The following AFDN variants were observed in gnomAD, a reference collection of about 807,000 sequenced individuals.
The protein encoded by AFDN is afadin.
Under a neutral mutation model 216.6 loss-of-function variants are expected in AFDN, and 68 were observed. That is an observed-to-expected ratio of 0.31 (90% CI 0.26 to 0.38). The LOEUF is 0.38. AFDN is among the 10% of genes least tolerant of loss of function. AFDN has a pLI of 1.00. For synonymous variants in AFDN, 868 were observed against 853.7 expected, an observed-to-expected ratio of 1.02 and a Z score of -0.29; for missense variants, 2,136 against 2,342.0, an observed-to-expected ratio of 0.91 and a Z score of 1.82.
At chr6:167,848,646 T>G (rs950726131) in intron 1 of AFDN, among the ~76,000 whole-genome samples, 3 of 152,214 alleles carry the variant, frequency 2.0e-5, no homozygotes, top group Non-Finnish European at 4.4e-5. Flanking sequence ...CCTGCAAAAT[T>G]GATCTTGGAA....
intron 32 of AFDN, among the ~76,000 whole-genome samples, chr6:167,966,840 G>A (rs970322600): frequency 6.6e-6 from 1 of 152,164 alleles, no homozygotes; most frequent in Non-Finnish European, 1.5e-5. Flanking sequence ...GCTGCCTCAC[G>A]CCAGGGTCCA....
At chr6:167,866,673 T>C (rs1379045438) in intron 2 of AFDN, among the ~76,000 whole-genome samples, 1 of 152,188 alleles carries the variant, frequency 6.6e-6, no homozygotes, top group East Asian at 1.9e-4. Context: ...CCTGACTTCT[T>C]GTCCATGTTG....
intron 13 of AFDN, among the ~76,000 whole-genome samples, chr6:167,907,832 GTC>G (rs1437844088): frequency 6.6e-6 from 1 of 151,728 alleles, no homozygotes; most frequent in Non-Finnish European, 1.5e-5. Flanking sequence ...GCAGAGAACT[GTC>G]TTGTTATTTC....
At chr6:167,842,448 A>T (rs537079825) in intron 1 of AFDN, among the ~76,000 whole-genome samples, 1 of 152,296 alleles carries the variant, frequency 6.6e-6, no homozygotes, top group African/African-American at 2.4e-5. Flanking sequence ...TCAAGGAGGC[A>T]CATTGATAAT....
Position 167,946,656 on chromosome 6 carries a change from AG to A in AFDN, c.3359-48del, listed in dbSNP as rs780884573. 73 of 1,457,936 alleles carry A rather than the reference AG, an allele frequency of 5.0e-5. No individual in the cohort carries two copies. In the East Asian group the frequency reaches 1.6e-3, roughly 31 times the overall value. The allele number at this position is 1,457,936 out of a possible 1,614,324, so 90.3% of individuals were successfully genotyped here. A position where few individuals can be genotyped will look rare whatever the true frequency, so the allele number is the denominator to read the frequency against. ...TTCTTATGGAATTTTAATGATAATC[AG>A]GGTGTTGAAAATAAAATCTTAAGAG... On this transcript the variant is annotated intron_variant, in intron 26 of 33. Transcript: ENST00000683244.
chr6:167,919,571 C>T (rs896118460), intron 21 of AFDN, among the ~76,000 whole-genome samples: 2 of 152,232 alleles, frequency 1.3e-5, no homozygotes, highest in Non-Finnish European at 2.9e-5. Flanking sequence ...CTGGCTTGCG[C>T]CTGTGTGCTG....
chr6:167,883,073 G>A (rs937932078), intron 6 of AFDN, among the ~76,000 whole-genome samples: 1 of 152,114 alleles, frequency 6.6e-6, no homozygotes, highest in Admixed American at 6.6e-5. Context: ...TCAAAAAAGT[G>A]CTGGAGGACA....
chr6:167,872,810 AC>A (rs1163822015), intron 4 of AFDN, among the ~76,000 whole-genome samples: 1 of 152,146 alleles, frequency 6.6e-6, no homozygotes, highest in Non-Finnish European at 1.5e-5. Flanking sequence ...GCTTCAGATC[AC>A]CATCTAGTTC....
chr6:167,878,340 T>C (rs1017801809), intron 5 of AFDN, among the ~76,000 whole-genome samples: 2 of 152,164 alleles, frequency 1.3e-5, no homozygotes, highest in Non-Finnish European at 2.9e-5. Flanking sequence ...TACATCTTTT[T>C]TTTTGTGAAT....
intron 23 of AFDN, among the ~76,000 whole-genome samples, chr6:167,932,425 C>T (rs919159716): frequency 3.9e-5 from 6 of 152,186 alleles, no homozygotes; most frequent in Non-Finnish European, 7.3e-5. Context: ...CAACATGATG[C>T]TTCCTGTTTA....
In AFDN at chr6:167,931,821, G is replaced by A. The variant is rs2038241; in HGVS notation, c.3099+6730G>A. Among the ~76,000 whole-genome samples the A allele has an allele frequency of 1.6e-4, 25 of 152,162 alleles. No homozygotes were observed. In the South Asian group the frequency reaches 2.1e-3, roughly 13 times the overall value. The stretch of plus-strand genomic sequence containing the variant: ...AGCCCTGCCCTGCGTCTTACTGAGC[G>A]TGTTGGTGTGGCAGCATCACATAGG... On this transcript the variant is annotated intron_variant, in intron 23 of 33. Coordinates refer to ENST00000683244, the MANE Select transcript of AFDN (RefSeq NM_001386888.1).
intron 1 of AFDN, among the ~76,000 whole-genome samples, chr6:167,856,406 G>A (rs1035943230): frequency 2.6e-5 from 4 of 151,914 alleles, no homozygotes; most frequent in African/African-American, 9.7e-5. Context: ...TACAGATAAG[G>A]GGGAACTACT....
chr6:167,923,664 G>A (rs978447391), intron 22 of AFDN, among the ~76,000 whole-genome samples: 1 of 128,988 alleles, frequency 7.8e-6, no homozygotes, highest in African/African-American at 3.0e-5. Context: ...TCGCTCAGTC[G>A]CCCAGGCTGA....
chr6:167,958,139 T>C (rs143892404), intron 30 of AFDN, among the ~76,000 whole-genome samples: 1 of 152,244 alleles, frequency 6.6e-6, no homozygotes, highest in African/African-American at 2.4e-5. Flanking sequence ...AGCTTCGTTT[T>C]ATGTCCAAAA....
intron 30 of AFDN, 175 bp downstream of exon 30, chr6:167,952,362 G>A: frequency 2.7e-6 from 4 of 1,482,502 alleles, no homozygotes; most frequent in Non-Finnish European, 3.6e-6. Context: ...AATGAGTCAG[G>A]CCTATAAGGC....
At chr6:167,946,306 AGC>A (rs1192463904) in intron 26 of AFDN, among the ~76,000 whole-genome samples, 4 of 152,226 alleles carry the variant, frequency 2.6e-5, no homozygotes, top group Admixed American at 2.6e-4. Context: ...GGCCGCCAGG[AGC>A]GGAAGGCTCA....
At chr6:167,913,332 AAACT>A in intron 15 of AFDN, 67 bp from the exon 16 acceptor site, 1 of 1,447,466 alleles carries the variant, frequency 6.9e-7, no homozygotes, top group Non-Finnish European at 9.4e-7. Flanking sequence ...TGATTTTTTT[AAACT>A]ATCATGATTG....
At chr6:167,925,547 C>T (rs1392472094) in intron 23 of AFDN, among the ~76,000 whole-genome samples, 3 of 152,158 alleles carry the variant, frequency 2.0e-5, no homozygotes, top group East Asian at 3.9e-4. Flanking sequence ...TTCTGGTTCT[C>T]ATTTCCAGGT....
intron 5 of AFDN, among the ~76,000 whole-genome samples, chr6:167,877,545 T>C (rs1376090976): frequency 1.3e-5 from 2 of 152,202 alleles, no homozygotes; most frequent in South Asian, 2.1e-4. Context: ...CATTTTTCTA[T>C]ATGTAGACTC....
Sources: allele counts gnomAD v4.1 joint callset (sites outside exome capture counted in the v4.1 genomes callset), GRCh38; gene constraint gnomAD v4.1.1; transcripts MANE v1.5; gene names NCBI Gene and HGNC (gene_info 2026-07-23, HGNC 2026-07-21).